Variants in VPS35L observed in about 807,000 individuals in gnomAD.
VPS35L encodes the protein VPS35 endosomal protein-sorting factor-like.
VPS35L carries 83 observed loss-of-function variants against 133.0 expected under a neutral mutation model. The ratio of observed to expected loss-of-function variants is 0.62; its 90% confidence interval spans 0.52 to 0.75. The LOEUF (loss-of-function observed/expected upper bound fraction) is 0.75, where lower values mean the gene tolerates loss of function less well. VPS35L is among the 30% of genes least tolerant of loss of function. VPS35L has a pLI of 0.00. For synonymous variants in VPS35L, 423 were observed against 449.9 expected (o/e 0.94, Z 0.76); for missense variants, 1,083 against 1,206.8 (o/e 0.90, Z 1.52).
intron 2 of VPS35L, chr16:19,569,122 G>A (rs1971279824): frequency 1.8e-6 from 1 of 543,534 alleles, no homozygotes; most frequent in Non-Finnish European, 3.4e-6. Context: ...CTTATATTGA[G>A]TTGGATTTTG....
chr16:19,571,872 A>T (rs116588410), intron 3 of VPS35L, among the ~76,000 whole-genome samples: 2,221 of 149,922 alleles, frequency 0.015, 48 homozygotes, highest in African/African-American at 0.051. Context: ...TAACTTGACC[A>T]TATGTCTTGG....
chr16:19,638,371 T>C (rs916202266), intron 20 of VPS35L, among the ~76,000 whole-genome samples: 7 of 152,354 alleles, frequency 4.6e-5, no homozygotes, highest in African/African-American at 1.7e-4. Context: ...GTAGGAGTTA[T>C]CACTGTAGTA....
chr16:19,601,546 A>G (rs1972383710), intron 8 of VPS35L, 118 bp from the exon 9 acceptor site: 3 of 967,714 alleles, frequency 3.1e-6, no homozygotes, highest in Admixed American at 2.6e-5. Context: ...GCAGCATACC[A>G]TCACAAGTTA....
chr16:19,616,166 T>C lies in VPS35L; in HGVS notation c.1076T>C (p.Phe359Ser). The C allele has an allele frequency of 6.2e-7, 1 of 1,613,412 alleles. No homozygotes were observed. The highest frequency in any genetic ancestry group is 8.5e-7 in the Non-Finnish European group (1 of 1,179,448). ...AAAGAAACCCTAAATAAGAACTTTT[T>C]TGACTTCCTCCTTACGTTCAAACAG... is the stretch of plus-strand genomic sequence containing the variant. ...HLKETLNKNF[F>S]DFLLTFKQIH... Residue 359 changes from phenylalanine (F) to serine (S), a missense_variant, in exon 13 of 31, where the codon TTT becomes TCT. By Grantham distance (155) the Phe-to-Ser change is radical. Coordinates refer to ENST00000417362, the MANE Select transcript of VPS35L (RefSeq NM_020314.7).
chr16:19,614,016 G>A (rs8056025), intron 12 of VPS35L, among the ~76,000 whole-genome samples: 4 of 152,010 alleles, frequency 2.6e-5, no homozygotes, highest in Admixed American at 6.6e-5. Flanking sequence ...GAAAACAAAA[G>A]CTCTGAGTGG....
intron 23 of VPS35L, among the ~76,000 whole-genome samples, chr16:19,647,568 A>G (rs749414018): frequency 3.3e-5 from 5 of 152,196 alleles, no homozygotes; most frequent in Non-Finnish European, 5.9e-5. Context: ...GACAAACAAT[A>G]TCCCATTATT....
intron 9 of VPS35L, 88 bp from the exon 10 acceptor site, chr16:19,608,090 C>G: frequency 1.1e-6 from 1 of 931,348 alleles, no homozygotes; most frequent in Non-Finnish European, 1.7e-6. Context: ...ACCCCCTTTT[C>G]TGCTCCAGGG....
intron 7 of VPS35L, among the ~76,000 whole-genome samples, chr16:19,583,190 C>T (rs1000265615): frequency 6.6e-6 from 1 of 152,090 alleles, no homozygotes; most frequent in East Asian, 1.9e-4. Flanking sequence ...AACACGCAAT[C>T]TAGTTTTAAA....
At chr16:19,600,290 A>G (rs1051399218) in intron 8 of VPS35L, among the ~76,000 whole-genome samples, 1 of 151,962 alleles carries the variant, frequency 6.6e-6, no homozygotes, top group Non-Finnish European at 1.5e-5. Context: ...AGAGGGAAAT[A>G]CTTTCACATT....
chr16:19,607,616 C>G (rs549538159), intron 9 of VPS35L, among the ~76,000 whole-genome samples: 2 of 152,304 alleles, frequency 1.3e-5, no homozygotes, highest in East Asian at 3.9e-4. Flanking sequence ...GGTTTCTCAC[C>G]TCAGAGGCCT....
At position 19,616,110 on chromosome 16, in the gene VPS35L, G is replaced by A. The variant is rs1342839272; in HGVS notation, c.1024-4G>A. 5.0e-6 allele frequency: 8 copies of A among 1,611,276 alleles called. No homozygotes were observed. The highest frequency in any genetic ancestry group is 6.8e-6 in the Non-Finnish European group (8 of 1,178,036). On this transcript the variant is annotated splice_polypyrimidine_tract_variant and splice_region_variant and intron_variant, in intron 12 of 30. Coordinates refer to ENST00000417362, the MANE Select transcript of VPS35L (RefSeq NM_020314.7). ...AACCAGTTTTTCCATTTGTCTGGCTGCAGGTGGGAATGGAAGTGGCCCCAC... is the reference window on the plus strand; with the variant it reads ...AACCAGTTTTTCCATTTGTCTGGCTACAGGTGGGAATGGAAGTGGCCCCAC...
In VPS35L at chr16:19,602,197, G is replaced by A. The variant is rs527720137; in HGVS notation, c.784+474G>A. Among the ~76,000 whole-genome samples the A allele has an allele frequency of 1.6e-4, 24 of 152,204 alleles. No individual in the cohort carries two copies. In the South Asian group the frequency reaches 4.8e-3, roughly 30 times the overall value. On this transcript the variant is annotated intron_variant, in intron 9 of 30. Coordinates refer to ENST00000417362, the MANE Select transcript of VPS35L (RefSeq NM_020314.7). ...CTGTCAATCAAGTTTAAATTCCCAG[G>A]AGGTTATAATGGGACAAGTGGATGA...
intron 23 of VPS35L, among the ~76,000 whole-genome samples, chr16:19,647,066 C>T (rs1973973295): frequency 6.6e-6 from 1 of 152,210 alleles, no homozygotes; most frequent in Non-Finnish European, 1.5e-5. Flanking sequence ...GTCTACCTGA[C>T]TCTGCGGGTA....
chr16:19,608,893 C>T, intron 10 of VPS35L, 81 bp from the exon 11 acceptor site: 1 of 1,294,896 alleles, frequency 7.7e-7, no homozygotes, highest in Non-Finnish European at 1.1e-6. Flanking sequence ...CCGCCTACTT[C>T]TATTCATGGA....
At chr16:19,624,138 A>C (rs1158200187) in intron 14 of VPS35L, among the ~76,000 whole-genome samples, 3 of 84,706 alleles carry the variant, frequency 3.5e-5, no homozygotes, top group Non-Finnish European at 6.2e-5. Context: ...TTTTTTTGAG[A>C]TAGGTCTCAC....
At position 19,626,080 on chromosome 16, in the gene VPS35L, A is replaced by G. The variant is rs965908821; in HGVS notation, c.1225-97A>G. Reference sequence around the variant, plus strand: ...GAATTATCTTAATGGACATGTGGCTACATTCATTTTAGAGTTCGACTTTGG... The same window carrying G: ...GAATTATCTTAATGGACATGTGGCTGCATTCATTTTAGAGTTCGACTTTGG... On this transcript the variant is annotated intron_variant, in intron 14 of 30. Transcript: ENST00000417362. 1.0e-4 allele frequency: 74 copies of G among 739,752 alleles called. No individual in the cohort carries two copies. In the East Asian group the frequency reaches 2.1e-3, roughly 21 times the overall value. The allele number at this position is 739,752 out of a possible 1,614,324, so 45.8% of individuals were successfully genotyped here.
chr16:19,627,565 ATTT>A (rs762502057), intron 15 of VPS35L, 126 bp from the exon 16 acceptor site: 2 of 690,820 alleles, frequency 2.9e-6, no homozygotes, highest in Admixed American at 4.7e-5. Flanking sequence ...TTTTACTCTG[ATTT>A]TTTGTTTTTC....
intron 9 of VPS35L, among the ~76,000 whole-genome samples, chr16:19,603,112 A>G (rs2151539991): frequency 6.6e-6 from 1 of 152,238 alleles, no homozygotes; most frequent in African/African-American, 2.4e-5. Flanking sequence ...AAAGAAAGAG[A>G]CAGAACTCAA....
chr16:19,597,941 C>T (rs1972269006), intron 8 of VPS35L, among the ~76,000 whole-genome samples: 2 of 152,272 alleles, frequency 1.3e-5, no homozygotes, highest in South Asian at 4.1e-4. Flanking sequence ...ACATCATTGA[C>T]AAGAGGGTCA....
Sources: allele counts gnomAD v4.1 joint callset (sites outside exome capture counted in the v4.1 genomes callset), GRCh38; gene constraint gnomAD v4.1.1; transcripts MANE v1.5; gene names NCBI Gene and HGNC (gene_info 2026-07-23, HGNC 2026-07-21).